The following CAAP1 variants were observed in gnomAD, a reference collection of about 807,000 sequenced individuals.
CAAP1 encodes the protein caspase activity and apoptosis inhibitor 1, also known as conserved anti-apoptotic protein.
In CAAP1, 20 loss-of-function variants were observed where a neutral mutation model predicts 34.0. That is an observed-to-expected ratio of 0.59 (90% CI 0.41 to 0.86). CAAP1 has a LOEUF of 0.86. Among genes scored for constraint, CAAP1 ranks in the 40% least tolerant of loss-of-function variants. CAAP1 has a pLI of 0.00. For missense variants in CAAP1, 538 were observed against 450.5 expected (o/e 1.19, Z -1.76); for synonymous variants, 213 against 166.7 (o/e 1.28, Z -2.14).
intron 5 of CAAP1, among the ~76,000 whole-genome samples, chr9:26,859,157 T>C (rs1196010323): frequency 6.6e-6 from 1 of 152,184 alleles, no homozygotes; most frequent in Non-Finnish European, 1.5e-5. Context: ...TAATGTCTCA[T>C]ACCTCCTTGA....
At chr9:26,875,870 A>T (rs941279475) in intron 4 of CAAP1, among the ~76,000 whole-genome samples, 1 of 152,170 alleles carries the variant, frequency 6.6e-6, no homozygotes, top group Non-Finnish European at 1.5e-5. Flanking sequence ...AAATTTTAAA[A>T]CATCGCTTAG....
rs1232295311 is a variant in CAAP1, at chr9:26,892,350, G to T, written c.303+63C>A. ...CTCCAGCCTGCGCCCCATCCCTCTG[G>T]AAGCCCGACTTCTTCCGAAAAAGCA... On this transcript the variant is annotated intron_variant, in intron 1 of 5. Coordinates refer to ENST00000333916, the MANE Select transcript of CAAP1 (RefSeq NM_024828.4). 2.5e-6 allele frequency: 4 copies of T among 1,582,448 alleles called. No homozygotes were observed. In the Admixed American group the frequency reaches 7.0e-5, roughly 28 times the overall value.
At chr9:26,847,763 G>T (rs1822653189) in intron 5 of CAAP1, among the ~76,000 whole-genome samples, 1 of 150,576 alleles carries the variant, frequency 6.6e-6, no homozygotes, top group African/African-American at 2.4e-5. Context: ...TTAACATTTA[G>T]CTAAATCTGT....
intron 4 of CAAP1, among the ~76,000 whole-genome samples, chr9:26,862,704 G>A (rs114845868): frequency 0.016 from 2,488 of 152,232 alleles, 67 homozygotes; most frequent in African/African-American, 0.055. Flanking sequence ...TGAGACTGCT[G>A]AACTGGTAGG....
At chr9:26,887,008 G>A (rs1823760822) in intron 2 of CAAP1, among the ~76,000 whole-genome samples, 1 of 152,180 alleles carries the variant, frequency 6.6e-6, no homozygotes, top group African/African-American at 2.4e-5. Flanking sequence ...GAGGTCAGGA[G>A]TTCGAGACCA....
rs1374624657 is a variant in CAAP1, at chr9:26,892,233, G to C, written c.303+180C>G. ...CAGAAACTTGAAGTTCAAGATTCAA[G>C]ACACGGATGGGAGTGTGGGGCTCAC... On this transcript the variant is annotated intron_variant, in intron 1 of 5. Transcript: ENST00000333916. 3 of 1,446,996 alleles carry C rather than the reference G, an allele frequency of 2.1e-6. No homozygotes were observed. The African/African-American group carries it at 4.3e-5, about 21-fold the overall frequency. The allele number at this position is 1,446,996 out of a possible 1,614,324, so 89.6% of individuals were successfully genotyped here. A position where few individuals can be genotyped will look rare whatever the true frequency, so the allele number is the denominator to read the frequency against.
At chr9:26,855,098 T>C (rs1388653572) in intron 5 of CAAP1, among the ~76,000 whole-genome samples, 7 of 152,242 alleles carry the variant, frequency 4.6e-5, no homozygotes, top group Admixed American at 4.6e-4. Flanking sequence ...CAAGATGTTA[T>C]GGGTGAATGG....
In CAAP1 at chr9:26,842,106, C is replaced by T. The variant is rs548071913; in HGVS notation, c.*195G>A. 61 of 498,022 alleles carry T rather than the reference C, an allele frequency of 1.2e-4. No individual in the cohort carries two copies. Among genetic ancestry groups the T allele is most frequent in the African/African-American group, 1.1e-3 (56 of 51,380 alleles). 30.9% of individuals were successfully genotyped at this position (498,022 alleles called of 1,614,324 possible). On this transcript the variant is annotated 3_prime_UTR_variant, in exon 6 of 6. Coordinates refer to ENST00000333916, the MANE Select transcript of CAAP1 (RefSeq NM_024828.4). ...ACTATATTGCCATGAATTCATAAGA[C>T]AGTAACACACATTTATAATATAAAA...
At chr9:26,852,914 A>G (rs544573344) in intron 5 of CAAP1, among the ~76,000 whole-genome samples, 2 of 152,348 alleles carry the variant, frequency 1.3e-5, no homozygotes, top group African/African-American at 4.8e-5. Flanking sequence ...GGCAGGCAGA[A>G]GGAACAGCAA....
chr9:26,861,769 C>T (rs1823008240), intron 4 of CAAP1, among the ~76,000 whole-genome samples: 1 of 152,082 alleles, frequency 6.6e-6, no homozygotes, highest in Non-Finnish European at 1.5e-5. Context: ...TTCAAATGAG[C>T]TATGTGACAA....
intron 5 of CAAP1, among the ~76,000 whole-genome samples, chr9:26,852,584 C>G (rs1035771963): frequency 6.6e-6 from 1 of 152,054 alleles, no homozygotes; most frequent in African/African-American, 2.4e-5. Flanking sequence ...AATAAGAGTA[C>G]ACTACTGGTG....
chr9:26,846,280 G>C (rs1269247686), intron 5 of CAAP1, among the ~76,000 whole-genome samples: 1 of 151,926 alleles, frequency 6.6e-6, no homozygotes, highest in Admixed American at 6.6e-5. Context: ...AGCCGAGCGT[G>C]GTGGCGGGTG....
chr9:26,885,317 C>T (rs372012564), intron 3 of CAAP1, among the ~76,000 whole-genome samples: 3 of 151,964 alleles, frequency 2.0e-5, no homozygotes, highest in East Asian at 1.9e-4. Context: ...CCTTGTGATC[C>T]GCCCGCCTCA....
At chr9:26,848,762 T>C (rs199825406) in intron 5 of CAAP1, among the ~76,000 whole-genome samples, 40 of 152,334 alleles carry the variant, frequency 2.6e-4, no homozygotes, top group East Asian at 1.5e-3. Flanking sequence ...TTTAGAGAGA[T>C]TGGGTCTTAT....
intron 5 of CAAP1, among the ~76,000 whole-genome samples, chr9:26,857,042 T>A (rs1474987825): frequency 1.3e-5 from 2 of 152,248 alleles, no homozygotes; most frequent in Admixed American, 6.5e-5. Flanking sequence ...CATTAGCAGA[T>A]ACTTGATATT....
chr9:26,850,494 A>T (rs1444043041), intron 5 of CAAP1, among the ~76,000 whole-genome samples: 1 of 152,242 alleles, frequency 6.6e-6, no homozygotes, highest in Non-Finnish European at 1.5e-5. Context: ...ACCAAAAACA[A>T]GAGTAAATTA....
At chr9:26,845,685 T>C in intron 5 of CAAP1, among the ~76,000 whole-genome samples, 1 of 152,138 alleles carries the variant, frequency 6.6e-6, no homozygotes. Context: ...ATATCTGTAA[T>C]TTTAAATTCT....
At chr9:26,853,280 C>T (rs187101347) in intron 5 of CAAP1, among the ~76,000 whole-genome samples, 23 of 152,134 alleles carry the variant, frequency 1.5e-4, no homozygotes, top group African/African-American at 4.8e-4. Flanking sequence ...TTTATTAAGA[C>T]GAGATGGATG....
At position 26,867,362 on chromosome 9, in the gene CAAP1, A is replaced by G. The variant is rs572174051; in HGVS notation, c.666-6223T>C. ...TCAAATCTCCTCCTGTTTCCCTCATATAAGGACACTGGATATAAAGATACA... is the reference window on the plus strand; with the variant it reads ...TCAAATCTCCTCCTGTTTCCCTCATGTAAGGACACTGGATATAAAGATACA... On this transcript the variant is annotated intron_variant, in intron 4 of 5. Coordinates refer to ENST00000333916, the MANE Select transcript of CAAP1 (RefSeq NM_024828.4). 3.9e-5 allele frequency among the ~76,000 whole-genome samples: 6 copies of G among 152,260 alleles called. No homozygotes were observed. The East Asian group carries it at 1.2e-3, about 29-fold the overall frequency.
Sources: gnomAD v4.1 joint callset for allele counts (sites outside exome capture counted in the v4.1 genomes callset) on GRCh38, gnomAD v4.1.1 for gene constraint, MANE v1.5 for transcripts, NCBI Gene and HGNC (gene_info 2026-07-23, HGNC 2026-07-21) for gene names.